Variants in FAM174B observed in about 807,000 individuals in gnomAD.
FAM174B encodes the protein membrane protein FAM174B.
A neutral mutation model predicts 10.9 loss-of-function variants in FAM174B; 12 were observed. The ratio of observed to expected loss-of-function variants is 1.10; its 90% confidence interval spans 0.71 to 1.79. The LOEUF (loss-of-function observed/expected upper bound fraction) is 1.79, where lower values mean the gene tolerates loss of function less well. Ranked by LOEUF, FAM174B falls within the 40% of genes most tolerant of loss-of-function variation. FAM174B has a pLI of 0.00. For synonymous variants in FAM174B, 132 were observed against 115.8 expected, an observed-to-expected ratio of 1.14 and a Z score of -0.90; for missense variants, 266 against 233.3, an observed-to-expected ratio of 1.14 and a Z score of -0.91.
intron 1 of FAM174B, among the ~76,000 whole-genome samples, chr15:92,644,063 A>G (rs1444532710): frequency 6.6e-6 from 1 of 152,110 alleles, no homozygotes; most frequent in Non-Finnish European, 1.5e-5. Context: ...CCTCCTCCTC[A>G]GGACATAAGA....
intron 2 of FAM174B, among the ~76,000 whole-genome samples, chr15:92,623,776 G>C (rs1040536041): frequency 2.6e-5 from 4 of 152,184 alleles, no homozygotes; most frequent in Non-Finnish European, 4.4e-5. Flanking sequence ...GAGTATGTCT[G>C]AGACAGAGAA....
chr15:92,634,060 C>T (rs944940301), intron 1 of FAM174B, among the ~76,000 whole-genome samples: 1 of 152,196 alleles, frequency 6.6e-6, no homozygotes, highest in Non-Finnish European at 1.5e-5. Flanking sequence ...TTGCGGCTGT[C>T]TGGGAGGAGA....
At chr15:92,639,670 G>A (rs774423055) in intron 1 of FAM174B, among the ~76,000 whole-genome samples, 4 of 152,172 alleles carry the variant, frequency 2.6e-5, no homozygotes, top group Non-Finnish European at 4.4e-5. Flanking sequence ...TGAACGGTTT[G>A]GCACCATCCT....
At chr15:92,652,275 G>A (rs1406083599) in intron 1 of FAM174B, among the ~76,000 whole-genome samples, 1 of 152,160 alleles carries the variant, frequency 6.6e-6, no homozygotes, top group Non-Finnish European at 1.5e-5. Context: ...AGCACAGAGG[G>A]GCCCTAGCTG....
At chr15:92,635,176 C>T (rs1171952870) in intron 1 of FAM174B, among the ~76,000 whole-genome samples, 3 of 148,944 alleles carry the variant, frequency 2.0e-5, no homozygotes, top group African/African-American at 7.6e-5. Context: ...CACCCACACA[C>T]ACACACACAC....
chr15:92,654,823 A>G (rs866219486), intron 1 of FAM174B, among the ~76,000 whole-genome samples: 4 of 150,236 alleles, frequency 2.7e-5, no homozygotes, highest in South Asian at 2.1e-4. Context: ...AGAAGAAGAA[A>G]AAGTAGGCGG....
In FAM174B at chr15:92,618,511, T is replaced by C. The variant is rs928228812; in HGVS notation, c.*945A>G. ...CAGCCCCGTCTAGACTGACTTCAAATATAGTCCCCTGACAGTGTGATTTTT... is the reference window on the plus strand; with the variant it reads ...CAGCCCCGTCTAGACTGACTTCAAACATAGTCCCCTGACAGTGTGATTTTT... On this transcript the variant is annotated 3_prime_UTR_variant, in exon 3 of 3. Coordinates refer to ENST00000327355, the MANE Select transcript of FAM174B (RefSeq NM_207446.3). 6.6e-6 allele frequency: 1 copy of C among 152,248 alleles called. No individual in the cohort carries two copies. The highest frequency in any genetic ancestry group is 2.4e-5 in the African/African-American group (1 of 41,394). The allele number at this position is 152,248 out of a possible 1,614,324, so 9.4% of individuals were successfully genotyped here.
At chr15:92,639,781 C>A (rs114738765) in intron 1 of FAM174B, among the ~76,000 whole-genome samples, 1 of 152,322 alleles carries the variant, frequency 6.6e-6, no homozygotes, top group African/African-American at 2.4e-5. Flanking sequence ...CTTGCTCCTG[C>A]TCCCACCATG....
chr15:92,635,056 G>A (rs1461342862), intron 1 of FAM174B, among the ~76,000 whole-genome samples: 1 of 151,820 alleles, frequency 6.6e-6, no homozygotes, highest in East Asian at 1.9e-4. Flanking sequence ...CTTGGGACCT[G>A]TCAGCCTCCA....
At chr15:92,620,569 C>T (rs1198788119) in intron 2 of FAM174B, among the ~76,000 whole-genome samples, 1 of 152,042 alleles carries the variant, frequency 6.6e-6, no homozygotes, top group African/African-American at 2.4e-5. Context: ...AATCCTAGAC[C>T]TGTGGGAGGC....
intron 1 of FAM174B, among the ~76,000 whole-genome samples, chr15:92,643,320 G>A (rs976286150): frequency 6.9e-6 from 1 of 144,846 alleles, no homozygotes; most frequent in Non-Finnish European, 1.5e-5. Context: ...TCTCACCAAA[G>A]TCATTATAAG....
intron 1 of FAM174B, among the ~76,000 whole-genome samples, chr15:92,648,283 A>G (rs1353283440): frequency 6.6e-6 from 1 of 152,108 alleles, no homozygotes; most frequent in African/African-American, 2.4e-5. Context: ...ACCTCTTTAA[A>G]TATTTGTAGA....
intron 1 of FAM174B, among the ~76,000 whole-genome samples, chr15:92,640,623 C>T (rs1412468568): frequency 6.9e-6 from 1 of 145,258 alleles, no homozygotes; most frequent in African/African-American, 2.5e-5. Flanking sequence ...ATTTCCAACT[C>T]ATCATAAATT....
chr15:92,642,331 C>A (rs2050897110), intron 1 of FAM174B, among the ~76,000 whole-genome samples: 1 of 152,184 alleles, frequency 6.6e-6, no homozygotes, highest in African/African-American at 2.4e-5. Context: ...CAAGAGCCAT[C>A]AAAATACATG....
chr15:92,637,114 G>T (rs2050861029), intron 1 of FAM174B, among the ~76,000 whole-genome samples: 1 of 152,202 alleles, frequency 6.6e-6, no homozygotes, highest in Non-Finnish European at 1.5e-5. Context: ...CGTGAGCCTG[G>T]AGCCTGAGCC....
chr15:92,635,169 CCACA>C (rs58350171), intron 1 of FAM174B, among the ~76,000 whole-genome samples: 4 of 10,736 alleles, frequency 3.7e-4, no homozygotes, highest in African/African-American at 6.2e-4. Context: ...CCACACACAC[CCACA>C]CACACACACA....
At chr15:92,631,399 AT>A (rs1460116368) in intron 1 of FAM174B, among the ~76,000 whole-genome samples, 8 of 39,854 alleles carry the variant, frequency 2.0e-4, no homozygotes, top group African/African-American at 8.8e-4. Context: ...TATATATTAT[AT>A]TATATTATAT....
rs137859603 is a variant in FAM174B at position 92,638,826 on chromosome 15, G to T, written c.345-8481C>A. Among the ~76,000 whole-genome samples, 1,206 of 152,224 alleles carry T rather than the reference G, an allele frequency of 7.9e-3. 13 individuals are homozygous for T. The highest frequency in any genetic ancestry group is 0.027 in the African/African-American group (1,131 of 41,514). ...GGGTTTTCTCCTTCTTCCGAATCCT[G>T]CAGCCCCTCTTCATAGGCACATCCC... On this transcript the variant is annotated intron_variant, in intron 1 of 2. Coordinates refer to ENST00000327355, the MANE Select transcript of FAM174B (RefSeq NM_207446.3).
rs2050687440 is a variant in FAM174B at position 92,617,597 on chromosome 15, G to A, written c.*1859C>T. The A allele has an allele frequency of 4.7e-6, 3 of 639,674 alleles. No homozygotes were observed. Among genetic ancestry groups the A allele is most frequent in the African/African-American group, 1.9e-5 (1 of 53,244 alleles). The allele number at this position is 639,674 out of a possible 1,614,324, so 39.6% of individuals were successfully genotyped here. A position where few individuals can be genotyped will look rare whatever the true frequency, so the allele number is the denominator to read the frequency against. ...CCGGGTGTTTCTGCGTAAGGCAGAGGAATCCAGCTTTTCCATGAGATTCAG... is the reference window on the plus strand; with the variant it reads ...CCGGGTGTTTCTGCGTAAGGCAGAGAAATCCAGCTTTTCCATGAGATTCAG... On this transcript the variant is annotated 3_prime_UTR_variant, in exon 3 of 3. Coordinates refer to ENST00000327355, the MANE Select transcript of FAM174B (RefSeq NM_207446.3).
Sources: allele counts gnomAD v4.1 joint callset (sites outside exome capture counted in the v4.1 genomes callset), GRCh38; gene constraint gnomAD v4.1.1; transcripts MANE v1.5; gene names NCBI Gene and HGNC (gene_info 2026-07-23, HGNC 2026-07-21).